Variants in RNGTT observed in about 807,000 individuals in gnomAD.
RNGTT encodes the protein RNA guanylyltransferase and 5'-phosphatase, also known as mRNA-capping enzyme.
Under a neutral mutation model 79.3 loss-of-function variants are expected in RNGTT, and 33 were observed. The ratio of observed to expected loss-of-function variants is 0.42; its 90% CI spans 0.32 to 0.56. The LOEUF (loss-of-function observed/expected upper bound fraction) is 0.56. RNGTT is among the 20% of genes least tolerant of loss of function. The pLI is 0.17. For missense variants in RNGTT, 497 were observed against 739.1 expected (o/e 0.67, Z 3.80); for synonymous variants, 222 against 235.9 (o/e 0.94, Z 0.54).
At chr6:88,729,383 A>G (rs1172079941) in intron 13 of RNGTT, among the ~76,000 whole-genome samples, 1 of 145,242 alleles carries the variant, frequency 6.9e-6, no homozygotes, top group Admixed American at 6.7e-5. Context: ...CATCAACCAG[A>G]AAAAGAAAAA....
At chr6:88,785,927 G>A (rs1195665128) in intron 12 of RNGTT, among the ~76,000 whole-genome samples, 1 of 151,944 alleles carries the variant, frequency 6.6e-6, no homozygotes, top group Admixed American at 6.6e-5. Flanking sequence ...ATAAAATCAA[G>A]CTGAACCACC....
At chr6:88,623,179 A>G (rs1396715922) in intron 14 of RNGTT, among the ~76,000 whole-genome samples, 2 of 151,918 alleles carry the variant, frequency 1.3e-5, no homozygotes, top group Non-Finnish European at 2.9e-5. Flanking sequence ...GACAGTGATT[A>G]ACAACGTGTC....
intron 13 of RNGTT, among the ~76,000 whole-genome samples, chr6:88,767,749 A>G (rs1778513356): frequency 6.6e-6 from 1 of 151,610 alleles, no homozygotes; most frequent in Non-Finnish European, 1.5e-5. Flanking sequence ...CAATTTTTCT[A>G]ATAGTGAGAT....
intron 13 of RNGTT, among the ~76,000 whole-genome samples, chr6:88,743,786 A>T (rs1053327016): frequency 6.6e-6 from 1 of 152,228 alleles, no homozygotes; most frequent in African/African-American, 2.4e-5. Context: ...TGAGGGTATA[A>T]ATCTCTTTGA....
chr6:88,785,879 ACT>A (rs1779213901), intron 12 of RNGTT, among the ~76,000 whole-genome samples: 1 of 152,172 alleles, frequency 6.6e-6, no homozygotes, highest in African/African-American at 2.4e-5. Flanking sequence ...ATCAAAGCTG[ACT>A]CTAAATTTCT....
intron 13 of RNGTT, among the ~76,000 whole-genome samples, chr6:88,725,854 G>A (rs989951878): frequency 1.3e-5 from 2 of 152,054 alleles, no homozygotes; most frequent in African/African-American, 2.4e-5. Context: ...CAGCATAAGC[G>A]GCTGGCACAG....
At chr6:88,892,795 C>A (rs1783094724) in intron 6 of RNGTT, among the ~76,000 whole-genome samples, 3 of 152,056 alleles carry the variant, frequency 2.0e-5, no homozygotes, top group Non-Finnish European at 4.4e-5. Flanking sequence ...CAACGTTCAA[C>A]CTTCTGGCAA....
chr6:88,899,859 T>C (rs563929131), intron 6 of RNGTT, among the ~76,000 whole-genome samples: 1 of 152,284 alleles, frequency 6.6e-6, no homozygotes, highest in African/African-American at 2.4e-5. Flanking sequence ...GTTACAGGTC[T>C]TCAAGTGGAA....
At chr6:88,683,541 GAA>G (rs1775166537) in intron 13 of RNGTT, among the ~76,000 whole-genome samples, 1 of 151,916 alleles carries the variant, frequency 6.6e-6, no homozygotes, top group African/African-American at 2.4e-5. Context: ...AAATAGAAAA[GAA>G]TATTTCCCAA....
chr6:88,646,033 C>T (rs1044464491), intron 14 of RNGTT, among the ~76,000 whole-genome samples: 1 of 152,158 alleles, frequency 6.6e-6, no homozygotes, highest in African/African-American at 2.4e-5. Context: ...AGCTTCTGCA[C>T]AGCAAAAGAA....
intron 13 of RNGTT, among the ~76,000 whole-genome samples, chr6:88,711,481 T>C (rs1363744989): frequency 6.6e-6 from 1 of 152,224 alleles, no homozygotes; most frequent in African/African-American, 2.4e-5. Flanking sequence ...TGTAGTACTT[T>C]ACAGTTATAT....
chr6:88,832,455 A>T (rs1780903727), intron 11 of RNGTT, among the ~76,000 whole-genome samples: 1 of 152,210 alleles, frequency 6.6e-6, no homozygotes, highest in African/African-American at 2.4e-5. Flanking sequence ...AAAGACTTAA[A>T]CATAAGACCT....
At chr6:88,742,171 G>A (rs980572046) in intron 13 of RNGTT, among the ~76,000 whole-genome samples, 3 of 152,088 alleles carry the variant, frequency 2.0e-5, no homozygotes, top group Non-Finnish European at 2.9e-5. Flanking sequence ...ACACAGCAAA[G>A]CCAAAACAAA....
At chr6:88,882,696 T>G (rs1309825123) in intron 8 of RNGTT, among the ~76,000 whole-genome samples, 1 of 152,192 alleles carries the variant, frequency 6.6e-6, no homozygotes, top group Non-Finnish European at 1.5e-5. Context: ...GGCTCTGCCC[T>G]CATGCATGGG....
chr6:88,716,159 T>C (rs1433357736), intron 13 of RNGTT, among the ~76,000 whole-genome samples: 1 of 151,902 alleles, frequency 6.6e-6, no homozygotes, highest in Non-Finnish European at 1.5e-5. Flanking sequence ...GGGCAAAGGA[T>C]ATGAACAGAC....
At chr6:88,752,325 T>C (rs1777866846) in intron 13 of RNGTT, among the ~76,000 whole-genome samples, 1 of 152,096 alleles carries the variant, frequency 6.6e-6, no homozygotes, top group Non-Finnish European at 1.5e-5. Flanking sequence ...TGGTTTTAAT[T>C]AAGAAATGTA....
intron 13 of RNGTT, among the ~76,000 whole-genome samples, chr6:88,697,071 T>A (rs1582344039): frequency 6.6e-6 from 1 of 152,188 alleles, no homozygotes; most frequent in African/African-American, 2.4e-5. Context: ...AAAAGAATTA[T>A]GGCAATTCTA....
intron 13 of RNGTT, among the ~76,000 whole-genome samples, chr6:88,765,545 T>C (rs575562485): frequency 6.1e-4 from 93 of 152,230 alleles, no homozygotes; most frequent in Non-Finnish European, 8.5e-4. Context: ...ATATTTACTT[T>C]GTTTACCCAT....
chr6:88,773,328 G>T (rs994528223), intron 12 of RNGTT, among the ~76,000 whole-genome samples: 3 of 119,386 alleles, frequency 2.5e-5, no homozygotes, highest in African/African-American at 3.1e-5. Flanking sequence ...TGTGGGGTGG[G>T]GGGAGGGGGG....
Sources: allele counts gnomAD v4.1 joint callset (sites outside exome capture counted in the v4.1 genomes callset), GRCh38; gene constraint gnomAD v4.1.1; transcripts MANE v1.5; gene names NCBI Gene and HGNC (gene_info 2026-07-23, HGNC 2026-07-21).